Variants in PLCG2 observed in about 807,000 individuals in gnomAD.
PLCG2 encodes phospholipase C gamma 2, also known as 1-phosphatidylinositol 4,5-bisphosphate phosphodiesterase gamma-2.
In PLCG2, 69 loss-of-function variants were observed where a neutral mutation model predicts 175.6. The observed-to-expected ratio is 0.39, with a 90% CI of 0.32 to 0.48. PLCG2 has a LOEUF of 0.48. Among genes scored for constraint, PLCG2 ranks in the 20% least tolerant of loss-of-function variants. PLCG2 has a pLI of 0.91. For missense variants in PLCG2, 1,798 were observed against 1,650.9 expected, an observed-to-expected ratio of 1.09 and a Z score of -1.54; for synonymous variants, 827 against 624.0, an observed-to-expected ratio of 1.33 and a Z score of -4.85.
intron 2 of PLCG2, among the ~76,000 whole-genome samples, chr16:81,804,306 C>CTCTA (rs2143263391): frequency 6.6e-6 from 1 of 152,324 alleles, no homozygotes; most frequent in African/African-American, 2.4e-5. Flanking sequence ...TTGCTCATTG[C>CTCTA]TCTATCTTAA....
intron 9 of PLCG2, among the ~76,000 whole-genome samples, chr16:81,885,450 C>G (rs1908313394): frequency 6.6e-6 from 1 of 152,200 alleles, no homozygotes; most frequent in African/African-American, 2.4e-5. Context: ...AGATGTGAGG[C>G]ACTGTGCCCG....
At chr16:81,799,241 A>G (rs1911613020) in intron 2 of PLCG2, among the ~76,000 whole-genome samples, 1 of 150,568 alleles carries the variant, frequency 6.6e-6, no homozygotes, top group Non-Finnish European at 1.5e-5. Flanking sequence ...CCACCCCCCT[A>G]CCCAGAGAGA....
chr16:81,830,233 T>A lies in PLCG2; in HGVS notation c.194-24211T>A, dbSNP rs1905206294. On this transcript the variant is annotated intron_variant, in intron 2 of 32. Coordinates refer to ENST00000564138, the MANE Select transcript of PLCG2 (RefSeq NM_002661.5). ...TACTTAGGAGTCTGAGGTGGGAAGA[T>A]CACCTAAGCCCAGGAGGTTGAGGCT... Among the ~76,000 whole-genome samples the A allele has an allele frequency of 2.0e-5, 3 of 152,178 alleles. No homozygotes were observed. In the East Asian group the frequency reaches 5.8e-4, roughly 29 times the overall value.
chr16:81,756,247 A>G (rs1381176968), intron 2 of PLCG2, among the ~76,000 whole-genome samples: 1 of 152,248 alleles, frequency 6.6e-6, no homozygotes, highest in Admixed American at 6.5e-5. Flanking sequence ...GCAAGTGGCC[A>G]CTGCCCCCTA....
chr16:81,748,984 G>C (rs187186357), intron 1 of PLCG2, among the ~76,000 whole-genome samples: 3 of 152,174 alleles, frequency 2.0e-5, no homozygotes, highest in Non-Finnish European at 4.4e-5. Context: ...CCTGTGGCGG[G>C]GGGTGGCAGG....
intron 7 of PLCG2, among the ~76,000 whole-genome samples, chr16:81,875,597 T>A (rs1002904020): frequency 8.5e-5 from 13 of 152,166 alleles, no homozygotes; most frequent in Non-Finnish European, 2.9e-5. Context: ...CCAAGTCCCT[T>A]TTCTCACACT....
chr16:81,870,168 A>G (rs1441724673), intron 6 of PLCG2, among the ~76,000 whole-genome samples: 3 of 152,228 alleles, frequency 2.0e-5, no homozygotes, highest in African/African-American at 7.2e-5. Context: ...AGATGGGAGA[A>G]GCATTTACCA....
chr16:81,884,827 A>G (rs1908274350), intron 9 of PLCG2, among the ~76,000 whole-genome samples: 1 of 152,202 alleles, frequency 6.6e-6, no homozygotes, highest in Admixed American at 6.5e-5. Context: ...AAAAGCAGAC[A>G]GACGGTTTAA....
chr16:81,941,916 G>A (rs1384437143), intron 30 of PLCG2, among the ~76,000 whole-genome samples: 2 of 152,156 alleles, frequency 1.3e-5, no homozygotes, highest in Non-Finnish European at 2.9e-5. Context: ...GTGAACCACT[G>A]TGCCTGGCCT....
At chr16:81,906,064 C>G (rs949911162) in intron 15 of PLCG2, among the ~76,000 whole-genome samples, 2 of 108,946 alleles carry the variant, frequency 1.8e-5, no homozygotes, top group African/African-American at 6.2e-5. Context: ...CTACCCTTAC[C>G]AAGCTTCTCC....
intron 4 of PLCG2, among the ~76,000 whole-genome samples, chr16:81,858,759 C>T (rs1906815362): frequency 6.6e-6 from 1 of 152,204 alleles, no homozygotes. Flanking sequence ...AAGACTGTCT[C>T]TTCAGTGTCA....
At chr16:81,846,647 A>G (rs774594607) in intron 2 of PLCG2, among the ~76,000 whole-genome samples, 3 of 152,234 alleles carry the variant, frequency 2.0e-5, no homozygotes, top group Non-Finnish European at 2.9e-5. Flanking sequence ...TCATGAGTAG[A>G]TAGTCCATGT....
At chr16:81,948,420 G>A (rs191579935) in intron 31 of PLCG2, among the ~76,000 whole-genome samples, 1 of 152,274 alleles carries the variant, frequency 6.6e-6, no homozygotes, top group East Asian at 1.9e-4. Flanking sequence ...GCTGCCCCAC[G>A]ACCTGTTTAG....
At chr16:81,829,151 C>G (rs1445871960) in intron 2 of PLCG2, among the ~76,000 whole-genome samples, 1 of 152,144 alleles carries the variant, frequency 6.6e-6, no homozygotes, top group Non-Finnish European at 1.5e-5. Context: ...CTCTGTCACC[C>G]AGGCTGGAGT....
chr16:81,754,888 G>C (rs1261497575), intron 1 of PLCG2, among the ~76,000 whole-genome samples: 1 of 152,168 alleles, frequency 6.6e-6, no homozygotes, highest in Non-Finnish European at 1.5e-5. Context: ...AGAATAATCT[G>C]ATTCTGGATC....
At chr16:81,827,271 C>G (rs1354306393) in intron 2 of PLCG2, among the ~76,000 whole-genome samples, 1 of 151,662 alleles carries the variant, frequency 6.6e-6, no homozygotes, top group Non-Finnish European at 1.5e-5. Context: ...ACTGCAGCCT[C>G]AGCTTCCCAG....
intron 2 of PLCG2, among the ~76,000 whole-genome samples, chr16:81,837,676 C>T (rs925653708): frequency 6.7e-6 from 1 of 150,224 alleles, no homozygotes; most frequent in Non-Finnish European, 1.5e-5. Context: ...TGTTTGGTAC[C>T]AACATGTGTT....
chr16:81,936,088 G>A, intron 26 of PLCG2, 81 bp from the exon 27 acceptor site: 1 of 1,555,652 alleles, frequency 6.4e-7, no homozygotes, highest in Non-Finnish European at 8.7e-7. Flanking sequence ...TATAATCTGA[G>A]CATCCAGCCA....
chr16:81,756,376 C>G (rs1045434667), intron 2 of PLCG2, among the ~76,000 whole-genome samples: 2 of 152,226 alleles, frequency 1.3e-5, no homozygotes, highest in African/African-American at 4.8e-5. Flanking sequence ...TAAGATTTAT[C>G]TCCTTTAATC....
Sources: gnomAD v4.1 joint callset for allele counts (sites outside exome capture counted in the v4.1 genomes callset) on GRCh38, gnomAD v4.1.1 for gene constraint, MANE v1.5 for transcripts, NCBI Gene and HGNC (gene_info 2026-07-23, HGNC 2026-07-21) for gene names.